Variants in MOSPD2 observed in about 807,000 individuals in gnomAD.
The protein encoded by MOSPD2 is motile sperm domain containing 2, also known as motile sperm domain-containing protein 2.
Under a neutral mutation model 41.7 loss-of-function variants are expected in MOSPD2, and 5 were observed. That is an observed-to-expected ratio of 0.12 (90% CI 0.06 to 0.25). The LOEUF is 0.25. MOSPD2 is among the 10% of genes least tolerant of loss of function. The probability of loss-of-function intolerance (pLI) is 1.00; values close to 1 mark genes in which losing one functional copy is unlikely to be tolerated. For synonymous variants in MOSPD2, 115 were observed against 126.9 expected (o/e 0.91, Z 0.63); for missense variants, 282 against 375.2 (o/e 0.75, Z 2.05).
Position 14,873,772 on chromosome X carries a change from T to A in MOSPD2, c.79+14T>A, listed in dbSNP as rs772650027. 8.5e-7 allele frequency: 1 copy of A among 1,181,711 alleles called. No individual in the cohort carries two copies. Reference sequence around the variant, plus strand: ...AGTATGTGACAGGTGGGTACTCTGTTCCAGGTATTAAGAAAGGTGTGCAGT... The same window carrying A: ...AGTATGTGACAGGTGGGTACTCTGTACCAGGTATTAAGAAAGGTGTGCAGT... On this transcript the variant is annotated intron_variant, in intron 2 of 14. Coordinates refer to ENST00000380492, the MANE Select transcript of MOSPD2 (RefSeq NM_152581.4).
At chrX:14,899,303 G>C (rs1425257008) in intron 5 of MOSPD2, among the ~76,000 whole-genome samples, 3 of 108,130 alleles carry the variant, frequency 2.8e-5, no homozygotes, top group Non-Finnish European at 3.9e-5. Flanking sequence ...ACGATTTTAC[G>C]AAGAAGGATA....
intron 12 of MOSPD2, 151 bp downstream of exon 12, chrX:14,915,915 T>C: frequency 1.7e-6 from 1 of 592,345 alleles, no homozygotes; most frequent in Non-Finnish European, 2.7e-6. Flanking sequence ...AGACATCTTT[T>C]TTCCCACATG....
In MOSPD2 at chrX:14,920,809, T is replaced by C; in HGVS notation, c.*1000T>C. On this transcript the variant is annotated 3_prime_UTR_variant, in exon 15 of 15. Transcript: ENST00000380492. Reference sequence around the variant, plus strand: ...GATAATAAATTTAGATTTTAAAATGTTCCCTGTAAAAGTCAGCCCATGACA... The same window carrying C: ...GATAATAAATTTAGATTTTAAAATGCTCCCTGTAAAAGTCAGCCCATGACA... 1 of 753,844 alleles carries C rather than the reference T, an allele frequency of 1.3e-6. No homozygotes were observed. Among genetic ancestry groups the C allele is most frequent in the Non-Finnish European group, 1.6e-6 (1 of 638,962 alleles). 62.1% of individuals were successfully genotyped at this position (753,844 alleles called of 1,213,427 possible). A position where few individuals can be genotyped will look rare whatever the true frequency, so the allele number is the denominator to read the frequency against.
chrX:14,876,798 T>C (rs931353548), intron 2 of MOSPD2, among the ~76,000 whole-genome samples: 1 of 111,970 alleles, frequency 8.9e-6, no homozygotes, highest in African/African-American at 3.2e-5. Flanking sequence ...AAAACAGAGA[T>C]AGCTATTAAA....
intron 5 of MOSPD2, among the ~76,000 whole-genome samples, chrX:14,898,301 A>G (rs1376083639): frequency 9.0e-6 from 1 of 111,442 alleles, no homozygotes; most frequent in East Asian, 2.8e-4. Context: ...ATTGGAGAGA[A>G]CACTTTTTTC....
chrX:14,899,149 C>T (rs1029095591), intron 5 of MOSPD2, among the ~76,000 whole-genome samples: 3 of 87,530 alleles, frequency 3.4e-5, no homozygotes, highest in African/African-American at 1.1e-4. Flanking sequence ...CTCAAAAGGA[C>T]GTTTTACAAG....
chrX:14,921,451 T>C lies in MOSPD2; in HGVS notation c.*1642T>C. On this transcript the variant is annotated 3_prime_UTR_variant, in exon 15 of 15. Coordinates refer to ENST00000380492, the MANE Select transcript of MOSPD2 (RefSeq NM_152581.4). ...TGTGCACAGTATCTCCCTGTGTGTG[T>C]GCACAGTGGCTTCCCCTTACATGGT... 2 of 919,326 alleles carry C rather than the reference T, an allele frequency of 2.2e-6. No individual in the cohort carries two copies. Among genetic ancestry groups the C allele is most frequent in the East Asian group, 4.2e-5 (1 of 23,999 alleles). The allele number at this position is 919,326 out of a possible 1,213,427, so 75.8% of individuals were successfully genotyped here.
chrX:14,880,929 T>C (rs1436114680), intron 2 of MOSPD2, among the ~76,000 whole-genome samples: 5 of 112,180 alleles, frequency 4.5e-5, no homozygotes, highest in Non-Finnish European at 9.4e-5. Flanking sequence ...AATATTGACA[T>C]CAAGATTATC....
chrX:14,914,854 A>C (rs1010753650), intron 11 of MOSPD2, among the ~76,000 whole-genome samples: 2 of 112,227 alleles, frequency 1.8e-5, no homozygotes, highest in African/African-American at 6.5e-5. Context: ...CAAGGGTTTA[A>C]TGTTTGTTGT....
intron 6 of MOSPD2, among the ~76,000 whole-genome samples, chrX:14,902,277 C>G (rs2092574537): frequency 9.0e-6 from 1 of 111,251 alleles, no homozygotes; most frequent in Non-Finnish European, 1.9e-5. Context: ...TTTGATTCCT[C>G]TGGAATAGAG....
At chrX:14,885,455 A>G (rs1337175919) in intron 2 of MOSPD2, 1 of 112,384 alleles carries the variant, frequency 8.9e-6, no homozygotes, top group Non-Finnish European at 1.9e-5. Context: ...CAGAGTACTT[A>G]AAGTTAAGTG....
intron 11 of MOSPD2, among the ~76,000 whole-genome samples, chrX:14,914,996 C>A (rs952255804): frequency 9.0e-6 from 1 of 111,595 alleles, no homozygotes; most frequent in Non-Finnish European, 1.9e-5. Context: ...TAGTTTATAT[C>A]GGATATTAAC....
At chrX:14,912,205 A>G in intron 9 of MOSPD2, 44 bp from the exon 10 acceptor site, 1 of 886,781 alleles carries the variant, frequency 1.1e-6, no homozygotes, top group Non-Finnish European at 1.5e-6. Context: ...GTTAATGGTC[A>G]TGTTAATATA....
rs1229975879 is a variant in MOSPD2, at chrX:14,921,385, C to T, written c.*1576C>T. On this transcript the variant is annotated 3_prime_UTR_variant, in exon 15 of 15. Coordinates refer to ENST00000380492, the MANE Select transcript of MOSPD2 (RefSeq NM_152581.4). ...TTTGGGCTTTTCTGTTTCAGTTTGC[C>T]ACCTCCAGCTGTGAAATGGACTGCA... 2.1e-6 allele frequency: 2 copies of T among 937,098 alleles called. No individual in the cohort carries two copies. Among genetic ancestry groups the T allele is most frequent in the African/African-American group, 2.0e-5 (1 of 49,272 alleles). 77.2% of individuals were successfully genotyped at this position (937,098 alleles called of 1,213,427 possible).
At chrX:14,891,239 G>A (rs769247869) in intron 2 of MOSPD2, among the ~76,000 whole-genome samples, 62 of 112,075 alleles carry the variant, frequency 5.5e-4, no homozygotes, top group Non-Finnish European at 5.6e-4. Flanking sequence ...GCATTTGAAA[G>A]GAGACTTGCA....
intron 2 of MOSPD2, among the ~76,000 whole-genome samples, chrX:14,879,425 G>GGT (rs1356900686): frequency 3.6e-5 from 4 of 111,281 alleles, no homozygotes; most frequent in African/African-American, 1.3e-4. Flanking sequence ...ACAAGCGTAT[G>GGT]GTGGCATTTT....
chrX:14,896,188 C>T (rs2092562934), intron 4 of MOSPD2, among the ~76,000 whole-genome samples: 1 of 110,494 alleles, frequency 9.1e-6, no homozygotes, highest in Non-Finnish European at 1.9e-5. Context: ...GCTTTAGCTA[C>T]CTCCCCCGGC....
Position 14,918,737 on chromosome X carries a change from T to G in MOSPD2, c.1374T>G (p.Asn458Lys). The G allele has an allele frequency of 8.3e-7, 1 of 1,198,775 alleles. No individual in the cohort carries two copies. Among genetic ancestry groups the G allele is most frequent in the Non-Finnish European group, 1.1e-6 (1 of 883,850 alleles). ...CAAACACTCTTACGTTAAAAGACAA[T>G]GCTTTCAATATGTCAGATAAAACCA... is the stretch of plus-strand genomic sequence containing the variant. ...SKPNTLTLKD[N>K]AFNMSDKTSE... The change falls in exon 14 of 15, where the codon AAT (asparagine) becomes AAG (lysine). Residue 458 changes from asparagine to lysine, a missense_variant. This residue lies in a region of MOSPD2 where 94 missense variants were observed against 102.1 expected (regional missense o/e 0.92). Coordinates refer to ENST00000380492, the MANE Select transcript of MOSPD2 (RefSeq NM_152581.4).
intron 2 of MOSPD2, among the ~76,000 whole-genome samples, chrX:14,885,077 G>C (rs763391109): frequency 1.1e-4 from 12 of 111,559 alleles, no homozygotes; most frequent in African/African-American, 3.9e-4. Flanking sequence ...GAGCAAATTT[G>C]ATTATACATA....
Sources: gnomAD v4.1 joint callset for allele counts (sites outside exome capture counted in the v4.1 genomes callset) on GRCh38, gnomAD v4.1.1 for gene constraint, gnomAD v4.1.1 regional missense constraint, MANE v1.5 for transcripts, NCBI Gene and HGNC (gene_info 2026-07-23, HGNC 2026-07-21) for gene names.